APC2: variants seen among roughly 807,000 people sequenced by gnomAD.
The protein encoded by APC2 is APC regulator of Wnt signaling pathway 2.
APC2 carries 41 observed loss-of-function variants against 72.5 expected under a neutral mutation model. The ratio of observed to expected loss-of-function variants is 0.57; its 90% CI spans 0.44 to 0.73. The LOEUF (loss-of-function observed/expected upper bound fraction) is 0.73, where lower values mean the gene tolerates loss of function less well. Ranked by LOEUF, APC2 falls within the 30% of genes least tolerant of loss-of-function variation. APC2 has a pLI of 0.00. For missense variants in APC2, 3,729 were observed against 3,403.4 expected, an observed-to-expected ratio of 1.10 and a Z score of -2.38; for synonymous variants, 1,898 against 1,612.0, an observed-to-expected ratio of 1.18 and a Z score of -4.25.
rs1319854592 is a variant in APC2, at chr19:1,467,659, A to C, written c.4358A>C (p.Glu1453Ala). 1 of 1,478,126 alleles carries C rather than the reference A, an allele frequency of 6.8e-7. No individual in the cohort carries two copies. Among genetic ancestry groups the C allele is most frequent in the Non-Finnish European group, 8.9e-7 (1 of 1,122,408 alleles). 91.6% of individuals were successfully genotyped at this position (1,478,126 alleles called of 1,614,324 possible). A position where few individuals can be genotyped will look rare whatever the true frequency, so the allele number is the denominator to read the frequency against. ...GCGGGAGGCGCCGGCCGCAGCGCGGAGCAGTCTCGGGGCGCGGGCAAGAAC... is the reference window on the plus strand; with the variant it reads ...GCGGGAGGCGCCGGCCGCAGCGCGGCGCAGTCTCGGGGCGCGGGCAAGAAC... The part of the protein sequence containing the change: ...HKAGGAGRSA[E>A]QSRGAGKNRA... The change falls in exon 15 of 15, where the codon GAG becomes GCG. Residue 1453 changes from glutamate (E) to alanine (A), a missense_variant. Glu to Ala is a moderately radical substitution (Grantham distance 107, BLOSUM62 -1). Transcript: ENST00000590469.
chr19:1,459,350 A>AG (rs1241659882), intron 10 of APC2, among the ~76,000 whole-genome samples: 1 of 151,614 alleles, frequency 6.6e-6, no homozygotes, highest in African/African-American at 2.4e-5. Context: ...AGTTGCAGGC[A>AG]GAAGGAGCCA....
chr19:1,458,459 G>A (rs528299540), intron 10 of APC2: 73 of 186,252 alleles, frequency 3.9e-4, no homozygotes, highest in Middle Eastern at 2.2e-3. Flanking sequence ...GAGGCCGGGC[G>A]AGGCTGCTCA....
At chr19:1,460,937 G>GC in intron 12 of APC2, 80 bp downstream of exon 12, 1 of 1,594,468 alleles carries the variant, frequency 6.3e-7, no homozygotes, top group South Asian at 1.1e-5. Flanking sequence ...TGGTGGGCTG[G>GC]CAGGGGTGTC....
In APC2 at chr19:1,466,939, C is replaced by T. The variant is rs1368929020; in HGVS notation, c.3638C>T (p.Thr1213Met). The T allele has an allele frequency of 3.1e-6, 5 of 1,599,506 alleles. No homozygotes were observed. In the African/African-American group the frequency reaches 5.4e-5, roughly 17 times the overall value. ...ACCATGCCTCCCAGCCGGAGCAAGACGCCACCGCTGGCGCCCGCGCCACAG... is the reference window on the plus strand; with the variant it reads ...ACCATGCCTCCCAGCCGGAGCAAGATGCCACCGCTGGCGCCCGCGCCACAG... ...GQTMPPSRSK[T>M]PPLAPAPQGP... Residue 1213 changes from threonine to methionine, a missense_variant, in exon 15 of 15, where the codon ACG (threonine) becomes ATG (methionine). Transcript: ENST00000590469.
Position 1,468,802 on chromosome 19 carries a change from G to T in APC2, c.5501G>T (p.Ser1834Ile). 3 of 1,533,560 alleles carry T rather than the reference G, an allele frequency of 2.0e-6. No homozygotes were observed. Among genetic ancestry groups the T allele is most frequent in the Non-Finnish European group, 2.6e-6 (3 of 1,143,576 alleles). The allele number at this position is 1,533,560 out of a possible 1,614,324, so 95.0% of individuals were successfully genotyped here. A position where few individuals can be genotyped will look rare whatever the true frequency, so the allele number is the denominator to read the frequency against. The change falls in exon 15 of 15, where the codon AGC becomes ATC. Residue 1834 changes from serine (S) to isoleucine (I), a missense_variant. Ser to Ile is a moderately radical substitution (Grantham distance 142). Transcript: ENST00000590469. Reference protein sequence around the residue: ...AQPAAPAKVPSPGQQRSRSLH... With the variant: ...AQPAAPAKVPIPGQQRSRSLH... ...CCCGCGGCTCCAGCCAAAGTCCCGAGCCCCGGGCAGCAGCGGTCGCGGAGC... is the reference window on the plus strand; with the variant it reads ...CCCGCGGCTCCAGCCAAAGTCCCGATCCCCGGGCAGCAGCGGTCGCGGAGC...
At chr19:1,461,298 G>A in intron 13 of APC2, 145 bp downstream of exon 13, 1 of 708,694 alleles carries the variant, frequency 1.4e-6, no homozygotes, top group South Asian at 1.7e-5. Flanking sequence ...ACCGGCTGGG[G>A]CTCACTCCTC....
Position 1,466,469 on chromosome 19 carries a change from G to A in APC2, c.3168G>A (p.Gln1056=). ...TGTCTGTGGCCAGCAAGGCACTGCA[G>A]AAACTGGCGGCGCAAGAGGGGCCAC... ...APLSVASKAL[Q]KLAAQEGPLS... Residue 1056 remains glutamine (Q), a synonymous_variant, in exon 15 of 15, where the codon CAG becomes CAA. Coordinates refer to ENST00000590469, the MANE Select transcript of APC2 (RefSeq NM_005883.3). 1 of 1,598,180 alleles carries A rather than the reference G, an allele frequency of 6.3e-7. No individual in the cohort carries two copies. Among genetic ancestry groups the A allele is most frequent in the African/African-American group, 1.3e-5 (1 of 75,032 alleles).
At position 1,465,772 on chromosome 19, in the gene APC2, G is replaced by A; in HGVS notation, c.2471G>A (p.Arg824Gln). 6.4e-7 allele frequency: 1 copy of A among 1,563,480 alleles called. No homozygotes were observed. Among genetic ancestry groups the A allele is most frequent in the Non-Finnish European group, 8.6e-7 (1 of 1,156,450 alleles). ...QALARTPPTR[R>Q]GGKEAEKDTS... ...CTGGCTCGCACCCCGCCCACCCGCC[G>A]AGGCGGCAAGGAGGCAGAGAAGGAC... The change falls in exon 15 of 15, where the codon CGA (arginine) becomes CAA (glutamine). Residue 824 changes from arginine to glutamine, a missense_variant. Physicochemically the swap from Arg to Gln is conservative, Grantham distance 43 (BLOSUM62 1). Transcript: ENST00000590469.
intron 4 of APC2, among the ~76,000 whole-genome samples, chr19:1,454,309 ACAGCCTCCCTCAGTCTTTCT>A (rs1489682520): frequency 2.0e-5 from 3 of 151,870 alleles, no homozygotes; most frequent in Non-Finnish European, 4.4e-5. Flanking sequence ...TAGAGGCAGG[ACAGCCTCCCTCAGTCTTTCT>A]TCAAGGAGGA....
In APC2 at chr19:1,468,473, G is replaced by C. The variant is rs747038277; in HGVS notation, c.5172G>C (p.Leu1724=). 6.2e-7 allele frequency: 1 copy of C among 1,602,806 alleles called. No individual in the cohort carries two copies. The part of the protein sequence containing the change: ...SDSILSFVSG[L]SVGSTLQPPK... The stretch of plus-strand genomic sequence containing the variant: ...CCATCCTGTCCTTCGTATCCGGGCT[G>C]TCAGTGGGATCCACCCTACAGCCCC... The change falls in exon 15 of 15, where the codon CTG becomes CTC. Residue 1724 remains leucine (L), a synonymous_variant. Coordinates refer to ENST00000590469, the MANE Select transcript of APC2 (RefSeq NM_005883.3).
chr19:1,468,165 C>A lies in APC2; in HGVS notation c.4864C>A (p.Pro1622Thr). 6.9e-7 allele frequency: 1 copy of A among 1,455,292 alleles called. No homozygotes were observed. Among genetic ancestry groups the A allele is most frequent in the Non-Finnish European group, 9.0e-7 (1 of 1,112,836 alleles). The allele number at this position is 1,455,292 out of a possible 1,614,324, so 90.1% of individuals were successfully genotyped here. The part of the protein sequence containing the change: ...PGGGRDSSPS[P>T]RAAEELLQRC... Reference sequence around the variant, plus strand: ...AGGCGGACGCGACAGCTCGCCCAGCCCGCGGGCCGCGGAGGAGCTTCTGCA... The same window carrying A: ...AGGCGGACGCGACAGCTCGCCCAGCACGCGGGCCGCGGAGGAGCTTCTGCA... Residue 1622 changes from proline to threonine, a missense_variant, in exon 15 of 15, where the codon CCG becomes ACG. Transcript: ENST00000590469.
intron 13 of APC2, 142 bp from the exon 14 acceptor site, chr19:1,461,821 C>T (rs1312772223): frequency 1.4e-6 from 1 of 698,736 alleles, no homozygotes; most frequent in East Asian, 2.8e-5. Context: ...CACTGCACTC[C>T]AGCCTGGGGG....
At chr19:1,446,616 C>T (rs1188007423), upstream of APC2, among the ~76,000 whole-genome samples, 2 of 152,076 alleles carry the variant, frequency 1.3e-5, no homozygotes, top group African/African-American at 2.4e-5. The surrounding 1 kb of genome is among the most constrained non-coding windows in gnomAD (Gnocchi z 6.1). Context: ...CAGCCCTCGG[C>T]CTCTGCAGGA....
At chr19:1,454,487 T>A in intron 4 of APC2, among the ~76,000 whole-genome samples, 1 of 151,436 alleles carries the variant, frequency 6.6e-6, no homozygotes, top group East Asian at 1.9e-4. Flanking sequence ...CAGGTGATTC[T>A]CCCACCTCAG....
Position 1,469,371 on chromosome 19 carries a change from G to A in APC2, c.6070G>A (p.Ala2024Thr), listed in dbSNP as rs2084090065. Residue 2024 changes from alanine (A) to threonine (T), a missense_variant, in exon 15 of 15, where the codon GCC becomes ACC. Coordinates refer to ENST00000590469, the MANE Select transcript of APC2 (RefSeq NM_005883.3). Reference sequence around the variant, plus strand: ...GTCCGCGGCCTCTGCCCCCCAGGGCGCCTCGCCCCGCCGCGGCCGGCCCGC... The same window carrying A: ...GTCCGCGGCCTCTGCCCCCCAGGGCACCTCGCCCCGCCGCGGCCGGCCCGC... ...AESAASAPQG[A>T]SPRRGRPALP... is the part of the protein sequence containing the mutation. 2 of 1,240,006 alleles carry A rather than the reference G, an allele frequency of 1.6e-6. No homozygotes were observed. The highest frequency in any genetic ancestry group is 5.0e-5 in the South Asian group (2 of 39,760). 76.8% of individuals were successfully genotyped at this position (1,240,006 alleles called of 1,614,324 possible). A position where few individuals can be genotyped will look rare whatever the true frequency, so the allele number is the denominator to read the frequency against.
Position 1,453,506 on chromosome 19 carries a change from G to A in APC2, c.308G>A (p.Arg103Gln), listed in dbSNP as rs776501760. ...ACCCTGGGCCCGGAGCCTGCCGCCC[G>A]GACCCCCGAGGGCAGCCCAGTACAC... ...PPTLGPEPAA[R>Q]TPEGSPVHGS... is the part of the protein sequence containing the mutation. The change falls in exon 4 of 15, where the codon CGG becomes CAG. Residue 103 changes from arginine to glutamine, a missense_variant. Coordinates refer to ENST00000590469, the MANE Select transcript of APC2 (RefSeq NM_005883.3). 4.9e-5 allele frequency: 78 copies of A among 1,607,600 alleles called. 1 individual carries two copies. Among genetic ancestry groups the A allele is most frequent in the Non-Finnish European group, 5.6e-5 (66 of 1,176,486 alleles).
At chr19:1,461,664 A>G (rs912372495) in intron 13 of APC2, 18 of 402,004 alleles carry the variant, frequency 4.5e-5, no homozygotes, top group Admixed American at 4.3e-5. Flanking sequence ...CATCCTGGCT[A>G]ACACGGTGAA....
chr19:1,457,818 G>T, intron 9 of APC2, 147 bp from the exon 10 acceptor site: 1 of 692,148 alleles, frequency 1.4e-6, no homozygotes, highest in South Asian at 1.7e-5. Flanking sequence ...ATCTTAGAGA[G>T]GCTGGGAAAG....
At chr19:1,458,324 C>G (rs1281095140) in intron 10 of APC2, 3 of 535,774 alleles carry the variant, frequency 5.6e-6, no homozygotes, top group African/African-American at 1.9e-5. Context: ...CCCTGGGGCT[C>G]AGAACAGGGA....
Sources: gnomAD v4.1 joint callset for allele counts (sites outside exome capture counted in the v4.1 genomes callset) on GRCh38, gnomAD v4.1.1 for gene constraint, Gnocchi (gnomAD v3.1) non-coding constraint, MANE v1.5 for transcripts, NCBI Gene and HGNC (gene_info 2026-07-23, HGNC 2026-07-21) for gene names.